Variants in ANAPC4 observed in about 807,000 individuals in gnomAD.
ANAPC4 encodes anaphase-promoting complex subunit 4.
A neutral mutation model predicts 119.8 loss-of-function variants in ANAPC4; 63 were observed. That is an observed-to-expected ratio of 0.53 (90% CI 0.43 to 0.65). The LOEUF is 0.65. Ranked by LOEUF, ANAPC4 falls within the 30% of genes least tolerant of loss-of-function variation. The pLI is 0.00. For synonymous variants in ANAPC4, 283 were observed against 318.6 expected (o/e 0.89, Z 1.19); for missense variants, 716 against 945.1 (o/e 0.76, Z 3.18).
At chr4:25,394,779 G>C (rs774575059) in intron 13 of ANAPC4, 50 bp from the exon 14 acceptor site, 22 of 1,591,138 alleles carry the variant, frequency 1.4e-5, no homozygotes, top group African/African-American at 4.1e-5. Flanking sequence ...TTTTCGAGTG[G>C]CATATAATAT....
chr4:25,387,272 T>G (rs925428809), intron 4 of ANAPC4, among the ~76,000 whole-genome samples: 9 of 152,202 alleles, frequency 5.9e-5, no homozygotes, highest in African/African-American at 1.9e-4. Context: ...TTTTCTTTTT[T>G]GGGGAAATAT....
rs1308382452 is a variant in ANAPC4, at chr4:25,377,350, G to C, written c.-11+6G>C. ...GCCGGTGGGGACTCTTGCAGGTACA[G>C]GCGCGGTCGGGGCTCCTCGTGGAGA... is the stretch of plus-strand genomic sequence containing the variant. On this transcript the variant is annotated splice_donor_region_variant and intron_variant, in intron 1 of 28. Coordinates refer to ENST00000315368, the MANE Select transcript of ANAPC4 (RefSeq NM_013367.3). 2 of 1,578,600 alleles carry C rather than the reference G, an allele frequency of 1.3e-6. No individual in the cohort carries two copies. Among genetic ancestry groups the C allele is most frequent in the Non-Finnish European group, 1.7e-6 (2 of 1,162,732 alleles).
chr4:25,409,865 C>T, intron 21 of ANAPC4, 74 bp downstream of exon 21: 4 of 1,053,274 alleles, frequency 3.8e-6, no homozygotes, highest in Non-Finnish European at 1.4e-6. Context: ...GTTCTGCTAA[C>T]AGTTTTGCTG....
chr4:25,409,624 C>A, intron 20 of ANAPC4, 74 bp from the exon 21 acceptor site: 2 of 1,169,088 alleles, frequency 1.7e-6, no homozygotes, highest in Non-Finnish European at 2.4e-6. Flanking sequence ...TTTTTTTTGT[C>A]TTTTACTTTT....
intron 28 of ANAPC4, 142 bp downstream of exon 28, chr4:25,417,881 T>C: frequency 8.4e-7 from 1 of 1,184,798 alleles, no homozygotes; most frequent in South Asian, 1.6e-5. Flanking sequence ...TTGATTATGA[T>C]CATGTGGTGG....
In ANAPC4 at chr4:25,418,291, C is replaced by T; in HGVS notation, c.2336C>T (p.Ser779Leu). The change falls in exon 29 of 29, where the codon TCA (serine) becomes TTA (leucine). Residue 779 changes from serine (S) to leucine (L), a missense_variant. Ser to Leu is a moderately radical substitution (Grantham distance 145). Coordinates refer to ENST00000315368, the MANE Select transcript of ANAPC4 (RefSeq NM_013367.3). The part of the protein sequence containing the change: ...VKIKEEVLSE[S>L]EAENQQAGAA... ...ATAAAGGAAGAAGTGTTGTCGGAGT[C>T]AGAGGCAGAGAACCAACAAGCTGGT... 6.2e-7 allele frequency: 1 copy of T among 1,614,034 alleles called. No individual in the cohort carries two copies. The highest frequency in any genetic ancestry group is 1.1e-5 in the South Asian group (1 of 91,068).
At position 25,377,497 on chromosome 4, in the gene ANAPC4, A is replaced by G; in HGVS notation, c.70A>G (p.Ile24Val). The G allele has an allele frequency of 6.2e-7, 1 of 1,613,874 alleles. No individual in the cohort carries two copies. Among genetic ancestry groups the G allele is most frequent in the East Asian group, 2.2e-5 (1 of 44,842 alleles). The change falls in exon 2 of 29, where the codon ATT becomes GTT. Residue 24 changes from isoleucine (I) to valine (V), a missense_variant. Coordinates refer to ENST00000315368, the MANE Select transcript of ANAPC4 (RefSeq NM_013367.3). ...AGAGAAGCAGCTCCCGCAGGAGATT[A>G]TTTTCCTGGTCTGGTCGCCCAAGCG... ...VGEKQLPQEI[I>V]FLVWSPKRDL...
At chr4:25,416,340 T>A in intron 26 of ANAPC4, 85 bp from the exon 27 acceptor site, 1 of 866,128 alleles carries the variant, frequency 1.2e-6, no homozygotes, top group Non-Finnish European at 1.6e-6. Flanking sequence ...AATTTTTTTC[T>A]GCTTGCTGCC....
At chr4:25,398,065 T>A (rs1722756813) in intron 16 of ANAPC4, among the ~76,000 whole-genome samples, 1 of 152,192 alleles carries the variant, frequency 6.6e-6, no homozygotes, top group Non-Finnish European at 1.5e-5. Context: ...TACGCCAAGC[T>A]TTCTCTTTGT....
At position 25,394,932 on chromosome 4, in the gene ANAPC4, G is replaced by A. The variant is rs1473613466; in HGVS notation, c.1061+27G>A. The A allele has an allele frequency of 3.8e-6, 6 of 1,580,388 alleles. No individual in the cohort carries two copies. In the African/African-American group the frequency reaches 4.1e-5, roughly 11 times the overall value. The stretch of plus-strand genomic sequence containing the variant: ...TATGAAGGTGACGTAGAATTTTTTG[G>A]TATTGTATCCACACATACCTGGCGT... On this transcript the variant is annotated intron_variant, in intron 14 of 28. Coordinates refer to ENST00000315368, the MANE Select transcript of ANAPC4 (RefSeq NM_013367.3).
chr4:25,415,332 C>T, intron 25 of ANAPC4, 134 bp from the exon 26 acceptor site: 1 of 586,814 alleles, frequency 1.7e-6, no homozygotes, highest in Non-Finnish European at 2.9e-6. Flanking sequence ...TCTATCTAGG[C>T]ATTTAAACAA....
At chr4:25,394,993 T>C in intron 14 of ANAPC4, 88 bp downstream of exon 14, 1 of 1,055,346 alleles carries the variant, frequency 9.5e-7, no homozygotes, top group Non-Finnish European at 1.4e-6. Context: ...TCATCTGGCA[T>C]TCTCTTTTTA....
chr4:25,407,837 G>A (rs1723342867), intron 20 of ANAPC4, among the ~76,000 whole-genome samples: 1 of 152,242 alleles, frequency 6.6e-6, no homozygotes. Flanking sequence ...GGAGGTTGCA[G>A]TGAGCCAAGA....
In ANAPC4 at chr4:25,417,607, C is replaced by A; in HGVS notation, c.2076-9C>A. 3 of 1,568,052 alleles carry A rather than the reference C, an allele frequency of 1.9e-6. No homozygotes were observed. Among genetic ancestry groups the A allele is most frequent in the Non-Finnish European group, 1.7e-6 (2 of 1,161,640 alleles). On this transcript the variant is annotated splice_polypyrimidine_tract_variant and intron_variant, in intron 27 of 28. Coordinates refer to ENST00000315368, the MANE Select transcript of ANAPC4 (RefSeq NM_013367.3). ...TTTCATTCCTGAGTTGGTTTTTTTCCCTCTTTAGGCTAGATGAACAGTGTA... is the reference window on the plus strand; with the variant it reads ...TTTCATTCCTGAGTTGGTTTTTTTCACTCTTTAGGCTAGATGAACAGTGTA...
intron 10 of ANAPC4, among the ~76,000 whole-genome samples, chr4:25,393,573 A>T (rs1316809826): frequency 6.6e-6 from 1 of 152,138 alleles, no homozygotes; most frequent in Non-Finnish European, 1.5e-5. Flanking sequence ...GAGGCAGGAG[A>T]ATCGCTTGAA....
At chr4:25,381,509 A>T (rs1420966890) in intron 3 of ANAPC4, among the ~76,000 whole-genome samples, 2 of 152,158 alleles carry the variant, frequency 1.3e-5, no homozygotes, top group Non-Finnish European at 2.9e-5. Context: ...AAAAGGTTTC[A>T]CTGTGTTGGC....
chr4:25,391,072 A>G (rs1722324197), intron 9 of ANAPC4, 57 bp downstream of exon 9: 23 of 1,295,446 alleles, frequency 1.8e-5, no homozygotes, highest in South Asian at 1.0e-4. Context: ...CAGGTTTTAT[A>G]TAGGTTTTTA....
In ANAPC4 at chr4:25,404,749, C is replaced by T. The variant is rs79211862; in HGVS notation, c.1271-824C>T. Among the ~76,000 whole-genome samples, 344 of 152,040 alleles carry T rather than the reference C, an allele frequency of 2.3e-3. 5 individuals carry two copies. Among genetic ancestry groups the T allele is most frequent in the African/African-American group, 8.0e-3 (333 of 41,482 alleles). On this transcript the variant is annotated intron_variant, in intron 17 of 28. Transcript: ENST00000315368. Reference sequence around the variant, plus strand: ...CTGTCCCCAGTAGATACCTGTATAACCTTGGTTTTCTTCTTTGTAAAATGT... The same window carrying T: ...CTGTCCCCAGTAGATACCTGTATAATCTTGGTTTTCTTCTTTGTAAAATGT...
chr4:25,403,057 TA>T, intron 17 of ANAPC4, 31 bp downstream of exon 17: 1 of 1,523,774 alleles, frequency 6.6e-7, no homozygotes, highest in South Asian at 1.2e-5. Flanking sequence ...ATTTTTATTT[TA>T]ACACTTTAAA....
Sources: gnomAD v4.1 joint callset for allele counts (sites outside exome capture counted in the v4.1 genomes callset) on GRCh38, gnomAD v4.1.1 for gene constraint, MANE v1.5 for transcripts, NCBI Gene and HGNC (gene_info 2026-07-23, HGNC 2026-07-21) for gene names.